PPP2R2C: variants seen among roughly 807,000 people sequenced by gnomAD.
The protein encoded by PPP2R2C is protein phosphatase 2, regulatory subunit B, gamma.
A neutral mutation model predicts 45.3 loss-of-function variants in PPP2R2C; 10 were observed. The observed-to-expected ratio is 0.22, with a 90% CI of 0.14 to 0.37. The LOEUF is 0.37. Ranked by LOEUF, PPP2R2C falls within the 10% of genes least tolerant of loss-of-function variation. PPP2R2C has a pLI of 1.00. For synonymous variants in PPP2R2C, 257 were observed against 245.4 expected (o/e 1.05, Z -0.44); for missense variants, 308 against 619.7 (o/e 0.50, Z 5.34).
At chr4:6,478,072 G>A (rs1264004145) in intron 2 of PPP2R2C, among the ~76,000 whole-genome samples, 2 of 152,146 alleles carry the variant, frequency 1.3e-5, no homozygotes, top group African/African-American at 2.4e-5. Context: ...TGTGTGCCCC[G>A]TTGCTTCTTC....
chr4:6,404,254 G>T (rs562674465), intron 1 of PPP2R2C, among the ~76,000 whole-genome samples: 10 of 152,256 alleles, frequency 6.6e-5, no homozygotes, highest in Non-Finnish European at 1.2e-4. Flanking sequence ...CCCAAAGCCC[G>T]GCTGAAGGTG....
chr4:6,488,153 A>G (rs544248842), intron 2 of PPP2R2C, among the ~76,000 whole-genome samples: 1 of 152,324 alleles, frequency 6.6e-6, no homozygotes, highest in African/African-American at 2.4e-5. Flanking sequence ...CATGATTATA[A>G]TAAGTGTTTT....
intron 1 of PPP2R2C, among the ~76,000 whole-genome samples, chr4:6,539,468 G>A (rs934532212): frequency 2.0e-5 from 3 of 152,170 alleles, no homozygotes; most frequent in African/African-American, 7.2e-5. Flanking sequence ...ATTGTGTCAC[G>A]CTTCACCGGT....
chr4:6,415,735 G>C (rs749387397), intron 1 of PPP2R2C, among the ~76,000 whole-genome samples: 25 of 152,230 alleles, frequency 1.6e-4, no homozygotes, highest in Admixed American at 5.9e-4. Flanking sequence ...TCACCCAGGA[G>C]GGGAACTGAA....
At chr4:6,442,593 A>C (rs1394017458) in intron 1 of PPP2R2C, among the ~76,000 whole-genome samples, 2 of 152,210 alleles carry the variant, frequency 1.3e-5, no homozygotes, top group Non-Finnish European at 2.9e-5. Context: ...TATGGGAATA[A>C]TCACAGGCAC....
upstream of PPP2R2C, among the ~76,000 whole-genome samples, chr4:6,474,785 A>G (rs1186514624): frequency 1.3e-5 from 1 of 79,834 alleles, no homozygotes; most frequent in Non-Finnish European, 2.3e-5. Flanking sequence ...TGTCTCCTCC[A>G]TTTCCTGGAA....
intron 2 of PPP2R2C, among the ~76,000 whole-genome samples, chr4:6,518,906 G>C (rs1281637301): frequency 9.0e-6 from 1 of 111,268 alleles, no homozygotes; most frequent in Non-Finnish European, 1.7e-5. Context: ...CTGGGCAACA[G>C]AGCAAGACTC....
At chr4:6,421,276 A>C (rs1187261701) in intron 1 of PPP2R2C, among the ~76,000 whole-genome samples, 1 of 152,116 alleles carries the variant, frequency 6.6e-6, no homozygotes, top group African/African-American at 2.4e-5. Context: ...CTGGCCCCTG[A>C]AGGCCGTGCG....
upstream of PPP2R2C, among the ~76,000 whole-genome samples, chr4:6,475,431 A>G (rs1271462700): frequency 6.6e-6 from 1 of 152,162 alleles, no homozygotes; most frequent in Non-Finnish European, 1.5e-5. Flanking sequence ...CATTTCTGCC[A>G]TTCACAACCA....
At position 6,368,876 on chromosome 4, in the gene PPP2R2C, C is replaced by T. The variant is rs927999891; in HGVS notation, c.625+3647G>A. On this transcript the variant is annotated intron_variant, in intron 5 of 8. Coordinates refer to ENST00000382599, the MANE Select transcript of PPP2R2C (RefSeq NM_020416.4). This position sits in a 1 kb window ranked among gnomAD's most constrained non-coding sequence, Gnocchi z 4.2. ...CCTCCAAAGCTGGCTAGTGACACGCCCCTGTTTACAGTACATCAATAGCTT... is the reference window on the plus strand; with the variant it reads ...CCTCCAAAGCTGGCTAGTGACACGCTCCTGTTTACAGTACATCAATAGCTT... Among the ~76,000 whole-genome samples, 1 of 152,142 alleles carries T rather than the reference C, an allele frequency of 6.6e-6. No homozygotes were observed. The highest frequency in any genetic ancestry group is 2.4e-5 in the African/African-American group (1 of 41,414).
At chr4:6,362,862 T>A (rs1157806227) in intron 5 of PPP2R2C, among the ~76,000 whole-genome samples, 1 of 133,612 alleles carries the variant, frequency 7.5e-6, no homozygotes, top group Non-Finnish European at 1.6e-5. Flanking sequence ...ATCCCAGCCC[T>A]GGCACCCCCT....
chr4:6,507,412 G>C (rs1577226831), intron 2 of PPP2R2C, among the ~76,000 whole-genome samples: 2 of 152,376 alleles, frequency 1.3e-5, no homozygotes, highest in South Asian at 4.1e-4. Flanking sequence ...AGAGATGGAA[G>C]TTACTGTGTG....
intron 2 of PPP2R2C, among the ~76,000 whole-genome samples, chr4:6,519,230 G>A (rs62286145): frequency 0.11 from 17,211 of 152,162 alleles, 1,336 homozygotes; most frequent in Non-Finnish European, 0.17. Context: ...AAGTTTCTAG[G>A]AGCCTTAGGT....
chr4:6,556,507 C>T (rs781154649), intron 1 of PPP2R2C, among the ~76,000 whole-genome samples: 8 of 152,276 alleles, frequency 5.3e-5, no homozygotes, highest in Non-Finnish European at 1.0e-4. Context: ...ATTCCGTGTG[C>T]GTGTGTGTGC....
In PPP2R2C at chr4:6,329,987, A is replaced by G. The variant is rs1560445345; in HGVS notation, c.961-634T>C. Among the ~76,000 whole-genome samples, 1 of 152,130 alleles carries G rather than the reference A, an allele frequency of 6.6e-6. No individual in the cohort carries two copies. Among genetic ancestry groups the G allele is most frequent in the Non-Finnish European group, 1.5e-5 (1 of 68,022 alleles). ...CGAGAACACAGGGTGGCGGCCATCA[A>G]GAAAGGGGAAGAGGGAACCCACAGA... On this transcript the variant is annotated intron_variant, in intron 7 of 8. Coordinates refer to ENST00000382599, the MANE Select transcript of PPP2R2C (RefSeq NM_020416.4). This position sits in a 1 kb window ranked among gnomAD's most constrained non-coding sequence, Gnocchi z 5.8.
intron 5 of PPP2R2C, 128 bp downstream of exon 5, chr4:6,372,395 G>A (rs917622993): frequency 7.4e-6 from 7 of 948,396 alleles, no homozygotes; most frequent in African/African-American, 4.9e-5. Flanking sequence ...AGCCAGAGGT[G>A]CCTCACTGAA....
chr4:6,463,921 C>T (rs1363350899), intron 1 of PPP2R2C, among the ~76,000 whole-genome samples: 1 of 152,190 alleles, frequency 6.6e-6, no homozygotes, highest in Non-Finnish European at 1.5e-5. Context: ...TAGTTCAAAT[C>T]CCAAAATCTC....
At chr4:6,556,660 C>T (rs1725409563) in intron 1 of PPP2R2C, among the ~76,000 whole-genome samples, 1 of 152,162 alleles carries the variant, frequency 6.6e-6, no homozygotes, top group African/African-American at 2.4e-5. Flanking sequence ...ATCCTGCAAC[C>T]TTGTTCTTTC....
At chr4:6,327,600 C>T (rs1354801654) in intron 8 of PPP2R2C, among the ~76,000 whole-genome samples, 1 of 152,250 alleles carries the variant, frequency 6.6e-6, no homozygotes, top group African/African-American at 2.4e-5. Flanking sequence ...TTGGGACCCA[C>T]TGCACCAGGG....
Sources: allele counts gnomAD v4.1 joint callset (sites outside exome capture counted in the v4.1 genomes callset), GRCh38; gene constraint gnomAD v4.1.1; non-coding constraint Gnocchi (gnomAD v3.1); transcripts MANE v1.5; gene names NCBI Gene and HGNC (gene_info 2026-07-23, HGNC 2026-07-21).